The following CCDC51 variants were observed in gnomAD, a reference collection of about 807,000 sequenced individuals.
The protein encoded by CCDC51 is coiled-coil domain containing 51.
Under a neutral mutation model 24.8 loss-of-function variants are expected in CCDC51, and 25 were observed. The ratio of observed to expected loss-of-function variants is 1.01; its 90% CI spans 0.73 to 1.41. CCDC51 has a LOEUF of 1.41. CCDC51 is among the 40% of genes most tolerant of loss of function. CCDC51 has a pLI of 0.00. For synonymous variants in CCDC51, 190 were observed against 204.3 expected, an observed-to-expected ratio of 0.93 and a Z score of 0.60; for missense variants, 466 against 519.1, an observed-to-expected ratio of 0.90 and a Z score of 0.99.
At chr3:48,440,883 A>G (rs2039545212), upstream of CCDC51, 8 of 570,140 alleles carry the variant, frequency 1.4e-5, no homozygotes, top group Middle Eastern at 4.6e-4. Flanking sequence ...GGAAACAGTG[A>G]AATGTATTTA....
upstream of CCDC51, chr3:48,441,011 T>A (rs1426422825): frequency 4.2e-6 from 1 of 237,230 alleles, no homozygotes; most frequent in Non-Finnish European, 8.1e-6. Context: ...TTAGAAGTTT[T>A]TTTGTTTTGT....
upstream of CCDC51, chr3:48,440,801 G>T (rs2039542977): frequency 1.5e-6 from 1 of 647,322 alleles, no homozygotes; most frequent in East Asian, 2.7e-5. Context: ...AGTAAGGGCC[G>T]GGAGCTGGAA....
rs1416651401 is a variant in CCDC51, at chr3:48,437,992, A to G, written c.-9+1996T>C. 1 of 152,014 alleles carries G rather than the reference A, an allele frequency of 6.6e-6. No individual in the cohort carries two copies. Among genetic ancestry groups the G allele is most frequent in the Non-Finnish European group, 1.5e-5 (1 of 68,036 alleles). 9.4% of individuals were successfully genotyped at this position (152,014 alleles called of 1,614,324 possible). ...CCTTTATAACCAAACTCCTTGACAG[A>G]CTGCCTGAATTCACTGTTTCTGTTC... On this transcript the variant is annotated intron_variant, in intron 1 of 3. Transcript: ENST00000395694. The surrounding 1 kb of genome is among the most constrained non-coding windows in gnomAD (Gnocchi z 4.2).
intron 1 of CCDC51, chr3:48,438,340 GAACTA>G (rs1187171193): frequency 6.6e-6 from 1 of 151,750 alleles, no homozygotes. Context: ...AAAAAAAACA[GAACTA>G]TACTCTTGAC....
Position 48,437,114 on chromosome 3 carries a change from G to A in CCDC51, c.-8-1978C>T, listed in dbSNP as rs544105192. Among the ~76,000 whole-genome samples, 2 of 152,146 alleles carry A rather than the reference G, an allele frequency of 1.3e-5. No homozygotes were observed. The highest frequency in any genetic ancestry group is 1.9e-4 in the East Asian group (1 of 5,178). ...TGACTCTTCCTCCACGAGTCTACTC[G>A]GCTCACCCCGACATCTTCATCTTTG... On this transcript the variant is annotated intron_variant, in intron 1 of 3. Transcript: ENST00000395694. The surrounding 1 kb of genome is among the most constrained non-coding windows in gnomAD (Gnocchi z 4.2).
chr3:48,434,703 G>A (rs749100598), intron 2 of CCDC51, 114 bp downstream of exon 2: 133 of 968,616 alleles, frequency 1.4e-4, no homozygotes, highest in Non-Finnish European at 1.8e-4. Context: ...AGGTTTCCAC[G>A]TGAGAAATGA....
upstream of CCDC51, among the ~76,000 whole-genome samples, chr3:48,443,051 C>T (rs953647431): frequency 2.6e-5 from 4 of 151,658 alleles, no homozygotes; most frequent in Non-Finnish European, 4.4e-5. Flanking sequence ...ACCTGCCTGG[C>T]CAACATGGTC....
At position 48,435,041 on chromosome 3, in the gene CCDC51, G is replaced by A. The variant is rs1360315476; in HGVS notation, c.88C>T (p.Leu30Phe). The change falls in exon 2 of 4, where the codon CTC (leucine) becomes TTC (phenylalanine). Residue 30 changes from leucine (L) to phenylalanine (F), a missense_variant. Physicochemically the swap from Leu to Phe is conservative, Grantham distance 22 (BLOSUM62 0). Transcript: ENST00000395694. The surrounding 1 kb of genome is among the most constrained non-coding windows in gnomAD (Gnocchi z 4.2). Reference protein sequence around the residue: ...LVRRGLLGRDLFMTRTLCSPG... With the variant: ...LVRRGLLGRDFFMTRTLCSPG... Reference sequence around the variant, plus strand: ...CTGCAGAGAGTCCTGGTCATGAAGAGGTCCCTTCCAAGGAGGCCCCTCCGA... The same window carrying A: ...CTGCAGAGAGTCCTGGTCATGAAGAAGTCCCTTCCAAGGAGGCCCCTCCGA... 1.9e-6 allele frequency: 3 copies of A among 1,614,032 alleles called. No individual in the cohort carries two copies. Among genetic ancestry groups the A allele is most frequent in the Non-Finnish European group, 2.5e-6 (3 of 1,180,012 alleles).
upstream of CCDC51, chr3:48,443,896 C>G (rs757410281): frequency 1.3e-6 from 2 of 1,531,388 alleles, no homozygotes; most frequent in Non-Finnish European, 1.7e-6. Flanking sequence ...GTTCCTTGTG[C>G]CTGAGGAGAT....
At chr3:48,439,942 C>T in intron 1 of CCDC51, 46 bp downstream of exon 1, 1 of 372,328 alleles carries the variant, frequency 2.7e-6, no homozygotes, top group Non-Finnish European at 4.9e-6. Flanking sequence ...TCCAGGAAAG[C>T]GACGAGCTTG....
In CCDC51 at chr3:48,433,693, C is replaced by T. The variant is rs1274836518; in HGVS notation, c.477+14G>A. The T allele has an allele frequency of 1.2e-6, 2 of 1,610,754 alleles. No homozygotes were observed. The highest frequency in any genetic ancestry group is 2.2e-5 in the South Asian group (2 of 90,644). The stretch of plus-strand genomic sequence containing the variant: ...CTGTCCAGGTGCGAAAGGGCTGCCT[C>T]CTGAGGTGCCTACCTGCAGCATCCT... On this transcript the variant is annotated intron_variant, in intron 3 of 3. Coordinates refer to ENST00000395694, the MANE Select transcript of CCDC51 (RefSeq NM_001256964.2). This position sits in a 1 kb window ranked among gnomAD's most constrained non-coding sequence, Gnocchi z 4.4.
At position 48,435,065 on chromosome 3, in the gene CCDC51, G is replaced by A. The variant is rs377106953; in HGVS notation, c.64C>T (p.Arg22Trp). The change falls in exon 2 of 4, where the codon CGG (arginine) becomes TGG (tryptophan). Residue 22 changes from arginine (R) to tryptophan (W), a missense_variant. Arg to Trp is a moderately radical substitution (Grantham distance 101). Coordinates refer to ENST00000395694, the MANE Select transcript of CCDC51 (RefSeq NM_001256964.2). This position sits in a 1 kb window ranked among gnomAD's most constrained non-coding sequence, Gnocchi z 4.2. ...HIVGVPHVLV[R>W]RGLLGRDLFM... is the part of the protein sequence containing the mutation. ...AGGTCCCTTCCAAGGAGGCCCCTCC[G>A]AACCAGTACGTGGGGCACACCCACG... 1.3e-4 allele frequency: 213 copies of A among 1,613,100 alleles called. No individual in the cohort carries two copies. The highest frequency in any genetic ancestry group is 2.5e-4 in the African/African-American group (19 of 74,926).
chr3:48,434,344 C>T lies in CCDC51; in HGVS notation c.312+473G>A, dbSNP rs143643909. 8.3e-3 allele frequency among the ~76,000 whole-genome samples: 1,262 copies of T among 152,276 alleles called. 30 individuals are homozygous for T. Among genetic ancestry groups the T allele is most frequent in the Non-Finnish European group, 7.1e-3 (485 of 68,018 alleles). Reference sequence around the variant, plus strand: ...GCTGAACCCCAGGTTCTTCCCACCACGCTACACTACTACATGCCTAAGCAG... The same window carrying T: ...GCTGAACCCCAGGTTCTTCCCACCATGCTACACTACTACATGCCTAAGCAG... On this transcript the variant is annotated intron_variant, in intron 2 of 3. Transcript: ENST00000395694.
upstream of CCDC51, chr3:48,440,416 G>T: frequency 1.9e-6 from 3 of 1,612,438 alleles, no homozygotes; most frequent in Non-Finnish European, 2.5e-6. Context: ...GCAAGAAGAA[G>T]CCACTGAAAC....
Position 48,432,393 on chromosome 3 carries a change from A to G in CCDC51, c.*15T>C. On this transcript the variant is annotated 3_prime_UTR_variant, in exon 4 of 4. Coordinates refer to ENST00000395694, the MANE Select transcript of CCDC51 (RefSeq NM_001256964.2). ...ACAGCTATTGCCTCAGACCCTCTGG[A>G]GGAGGGGCCAGGGGTTAGCTGGCTT... 2 of 1,612,784 alleles carry G rather than the reference A, an allele frequency of 1.2e-6. No homozygotes were observed. Among genetic ancestry groups the G allele is most frequent in the Non-Finnish European group, 1.7e-6 (2 of 1,178,880 alleles).
intron 1 of CCDC51, among the ~76,000 whole-genome samples, chr3:48,439,071 G>A (rs543606909): frequency 6.6e-6 from 1 of 152,270 alleles, no homozygotes; most frequent in East Asian, 1.9e-4. Flanking sequence ...GTAGCCCCTT[G>A]GGAGGTCTTC....
chr3:48,442,308 A>T (rs1025315605), upstream of CCDC51, among the ~76,000 whole-genome samples: 4 of 150,396 alleles, frequency 2.7e-5, no homozygotes, highest in Non-Finnish European at 5.9e-5. Context: ...TTAATCTGTG[A>T]TTGTGTATAG....
At chr3:48,434,178 C>G (rs1334862752) in intron 2 of CCDC51, among the ~76,000 whole-genome samples, 1 of 152,172 alleles carries the variant, frequency 6.6e-6, no homozygotes, top group East Asian at 1.9e-4. Flanking sequence ...GGCTGTTTCC[C>G]GTGTGTTGCC....
At chr3:48,434,784 G>A (rs755335976) in intron 2 of CCDC51, 33 bp downstream of exon 2, 3 of 1,550,820 alleles carry the variant, frequency 1.9e-6, no homozygotes, top group Non-Finnish European at 1.8e-6. Flanking sequence ...CAAGTCAGAG[G>A]GCGGGGCCAG....
Sources: gnomAD v4.1 joint callset for allele counts (sites outside exome capture counted in the v4.1 genomes callset) on GRCh38, gnomAD v4.1.1 for gene constraint, Gnocchi (gnomAD v3.1) non-coding constraint, MANE v1.5 for transcripts, NCBI Gene and HGNC (gene_info 2026-07-23, HGNC 2026-07-21) for gene names.